NEXN: variants seen among roughly 807,000 people sequenced by gnomAD.
NEXN encodes the protein nexilin.
NEXN carries 65 observed loss-of-function variants against 92.6 expected under a neutral mutation model. That is an observed-to-expected ratio of 0.70 (90% confidence interval 0.57 to 0.86). The LOEUF (loss-of-function observed/expected upper bound fraction) is 0.86. Among genes scored for constraint, NEXN ranks in the 40% least tolerant of loss-of-function variants. The probability of loss-of-function intolerance (pLI) is 0.00; values close to 1 mark genes in which losing one functional copy is unlikely to be tolerated. For synonymous variants in NEXN, 254 were observed against 242.5 expected, an observed-to-expected ratio of 1.05 and a Z score of -0.44; for missense variants, 778 against 771.1, an observed-to-expected ratio of 1.01 and a Z score of -0.11.
At chr1:77,931,055 G>C (rs988928804) in intron 9 of NEXN, among the ~76,000 whole-genome samples, 3 of 152,080 alleles carry the variant, frequency 2.0e-5, no homozygotes, top group African/African-American at 7.2e-5. Flanking sequence ...TACAGACGTT[G>C]TGAATGCACT....
intron 1 of NEXN, among the ~76,000 whole-genome samples, chr1:77,914,450 G>GA (rs973703603): frequency 1.1e-4 from 17 of 151,208 alleles, no homozygotes; most frequent in African/African-American, 3.9e-4. Context: ...AATTCCAAAA[G>GA]AAAAAAACAA....
Position 77,919,201 on chromosome 1 carries a change from GA to G in NEXN, c.447+931del, listed in dbSNP as rs201274284. On this transcript the variant is annotated intron_variant, in intron 5 of 12. Transcript: ENST00000334785. Reference sequence around the variant, plus strand: ...TCACTACCATGAGAACAGGATGGGGGAAACCACCCCCATCCCCATGATTCAA... The same window carrying G: ...TCACTACCATGAGAACAGGATGGGGGAACCACCCCCATCCCCATGATTCAA... Among the ~76,000 whole-genome samples, 93 of 152,224 alleles carry G rather than the reference GA, an allele frequency of 6.1e-4. 1 individual carries two copies. In the East Asian group the frequency reaches 0.018, roughly 29 times the overall value.
At chr1:77,906,661 G>C (rs1648134930) in intron 1 of NEXN, among the ~76,000 whole-genome samples, 1 of 151,848 alleles carries the variant, frequency 6.6e-6, no homozygotes, top group Non-Finnish European at 1.5e-5. Context: ...TTGTTTGTTT[G>C]GTTTCTGTTT....
chr1:77,931,231 C>CAAAAAAAAAAAA (rs367898061), intron 9 of NEXN, among the ~76,000 whole-genome samples: 18 of 120,558 alleles, frequency 1.5e-4, no homozygotes, highest in African/African-American at 3.3e-4. Context: ...ACTAAAAATA[C>CAAAAAAAAAAAA]AAAAAAAAAA....
chr1:77,926,418 G>C lies in NEXN; in HGVS notation c.494G>C (p.Gly165Ala). 1 of 1,588,900 alleles carries C rather than the reference G, an allele frequency of 6.3e-7. No homozygotes were observed. Residue 165 changes from glycine (G) to alanine (A), a missense_variant, in exon 7 of 13, where the codon GGA becomes GCA. This residue lies in a region of NEXN where 236 missense variants were observed against 265.6 expected (regional missense o/e 0.89). Coordinates refer to ENST00000334785, the MANE Select transcript of NEXN (RefSeq NM_144573.4). The part of the protein sequence containing the change: ...NTGTESASEE[G>A]DDSLLITVVP... ...ATTATCTATTTTATAAAATAGGAAG[G>C]AGATGATTCACTACTTATAACTGTG...
Position 77,892,173 on chromosome 1 carries a change from T to A in NEXN, c.-53+3414T>A, listed in dbSNP as rs190760159. 3.9e-5 allele frequency among the ~76,000 whole-genome samples: 6 copies of A among 152,262 alleles called. No individual in the cohort carries two copies. The East Asian group carries it at 1.2e-3, about 29-fold the overall frequency. ...TCGATTTACGTCCTCTCTTAAAAAT[T>A]GGAAAATCTGGGCAAAATCTGGGTT... On this transcript the variant is annotated intron_variant, in intron 1 of 12. Coordinates refer to ENST00000334785, the MANE Select transcript of NEXN (RefSeq NM_144573.4).
intron 1 of NEXN, among the ~76,000 whole-genome samples, chr1:77,909,036 A>G (rs1486024847): frequency 6.6e-6 from 1 of 152,254 alleles, no homozygotes; most frequent in Non-Finnish European, 1.5e-5. Context: ...ACAATCTATT[A>G]AAATCTAGGA....
At chr1:77,904,152 C>A (rs1350732305) in intron 1 of NEXN, among the ~76,000 whole-genome samples, 1 of 151,980 alleles carries the variant, frequency 6.6e-6, no homozygotes, top group African/African-American at 2.4e-5. Flanking sequence ...GGCACCACAC[C>A]CAGCTAATTT....
intron 1 of NEXN, among the ~76,000 whole-genome samples, chr1:77,905,057 A>C (rs138818733): frequency 0.027 from 4,123 of 151,998 alleles, 146 homozygotes; most frequent in African/African-American, 0.095. Flanking sequence ...AGGTCAAGAG[A>C]TAGAGACCAT....
chr1:77,891,090 T>G (rs1471298925), intron 1 of NEXN, among the ~76,000 whole-genome samples: 1 of 152,216 alleles, frequency 6.6e-6, no homozygotes, highest in Non-Finnish European at 1.5e-5. Context: ...AATGGCTACA[T>G]TTTCCTTTAT....
intron 6 of NEXN, 70 bp from the exon 7 acceptor site, chr1:77,926,344 G>T: frequency 1.0e-6 from 1 of 981,834 alleles, no homozygotes. Context: ...CACCTATGAT[G>T]GAGGTAAAGT....
In NEXN at chr1:77,929,523, G is replaced by T; in HGVS notation, c.1053+19G>T. On this transcript the variant is annotated intron_variant, in intron 9 of 12. Coordinates refer to ENST00000334785, the MANE Select transcript of NEXN (RefSeq NM_144573.4). ...AAATATGGTAAGACAGAAGCTAACT[G>T]GAGAATGCTATTAGAATTCACCTTT... 1 of 1,611,426 alleles carries T rather than the reference G, an allele frequency of 6.2e-7. No individual in the cohort carries two copies. Among genetic ancestry groups the T allele is most frequent in the Non-Finnish European group, 8.5e-7 (1 of 1,179,588 alleles).
intron 9 of NEXN, 113 bp from the exon 10 acceptor site, chr1:77,933,169 A>T: frequency 1.3e-6 from 1 of 779,446 alleles, no homozygotes; most frequent in Non-Finnish European, 2.1e-6. Context: ...CTCAAAAAAC[A>T]AAAACAAAAA....
chr1:77,900,124 C>G (rs1647579436), intron 1 of NEXN, among the ~76,000 whole-genome samples: 1 of 152,150 alleles, frequency 6.6e-6, no homozygotes, highest in Admixed American at 6.6e-5. Flanking sequence ...CCAGCCTGTC[C>G]TTCTAGTTTT....
At chr1:77,923,299 A>G (rs1044193927) in intron 5 of NEXN, among the ~76,000 whole-genome samples, 32 of 151,372 alleles carry the variant, frequency 2.1e-4, no homozygotes, top group African/African-American at 7.5e-4. Flanking sequence ...CTGGCCAGGT[A>G]TCTTAATAAA....
intron 1 of NEXN, among the ~76,000 whole-genome samples, chr1:77,890,446 G>A (rs1647079354): frequency 6.6e-6 from 1 of 152,064 alleles, no homozygotes; most frequent in African/African-American, 2.4e-5. Context: ...TGGAATTTGT[G>A]CTATTTTTGA....
chr1:77,940,930 C>T (rs1651251149), intron 11 of NEXN, among the ~76,000 whole-genome samples: 1 of 152,024 alleles, frequency 6.6e-6, no homozygotes, highest in Non-Finnish European at 1.5e-5. Flanking sequence ...GTCTGATGTC[C>T]CATGATTTTC....
chr1:77,942,009 C>T lies in NEXN; in HGVS notation c.1474-14C>T. 1 of 1,610,056 alleles carries T rather than the reference C, an allele frequency of 6.2e-7. No homozygotes were observed. The highest frequency in any genetic ancestry group is 8.5e-7 in the Non-Finnish European group (1 of 1,177,606). The stretch of plus-strand genomic sequence containing the variant: ...AAGGCAAGCAATTGTTAATCTTGGC[C>T]CACTTTCTTGCAGGAAGATGATGTT... On this transcript the variant is annotated splice_polypyrimidine_tract_variant and intron_variant, in intron 11 of 12. Coordinates refer to ENST00000334785, the MANE Select transcript of NEXN (RefSeq NM_144573.4).
intron 5 of NEXN, among the ~76,000 whole-genome samples, chr1:77,921,547 C>A (rs1285124240): frequency 1.3e-5 from 2 of 152,002 alleles, no homozygotes; most frequent in African/African-American, 4.8e-5. Context: ...TGGGCTCAAG[C>A]AATCCTCCTA....
Sources: gnomAD v4.1 joint callset for allele counts (sites outside exome capture counted in the v4.1 genomes callset) on GRCh38, gnomAD v4.1.1 for gene constraint, gnomAD v4.1.1 regional missense constraint, MANE v1.5 for transcripts, NCBI Gene and HGNC (gene_info 2026-07-23, HGNC 2026-07-21) for gene names.